The following PECAM1 variants were observed in gnomAD, a reference collection of about 807,000 sequenced individuals.
PECAM1 encodes the protein platelet and endothelial cell adhesion molecule 1, also known as platelet endothelial cell adhesion molecule.
A neutral mutation model predicts 13.8 loss-of-function variants in PECAM1; 8 were observed. The ratio of observed to expected loss-of-function variants is 0.58; its 90% CI spans 0.34 to 1.05. PECAM1 has a LOEUF of 1.05. Among genes scored for constraint, PECAM1 ranks in the 50% least tolerant of loss-of-function variants. The pLI is 0.03. For missense variants in PECAM1, 304 were observed against 141.2 expected (o/e 2.15, Z -5.84); for synonymous variants, 136 against 52.6 (o/e 2.58, Z -6.86).
chr17:64,321,883 A>C lies in PECAM1; in HGVS notation c.*1933T>G. The C allele has an allele frequency of 7.4e-7, 1 of 1,349,718 alleles. No homozygotes were observed. Among genetic ancestry groups the C allele is most frequent in the Non-Finnish European group, 9.8e-7 (1 of 1,019,766 alleles). The allele number at this position is 1,349,718 out of a possible 1,614,324, so 83.6% of individuals were successfully genotyped here. ...CTCTGGTGGTGGCAAGGGACTAAGG[A>C]ACTCCCTGGACACAGGGGATCTGGC... On this transcript the variant is annotated 3_prime_UTR_variant, in exon 16 of 16. Coordinates refer to ENST00000563924, the MANE Select transcript of PECAM1 (RefSeq NM_000442.5).
chr17:64,372,659 C>T (rs2036266962), intron 4 of PECAM1, among the ~76,000 whole-genome samples: 2 of 151,750 alleles, frequency 1.3e-5, no homozygotes, highest in East Asian at 2.0e-4. Context: ...CCCACCACCA[C>T]GCTTGGCTAA....
intron 13 of PECAM1, among the ~76,000 whole-genome samples, chr17:64,347,546 T>A (rs11652640): frequency 0.39 from 45,618 of 116,780 alleles, 8,508 homozygotes; most frequent in South Asian, 0.53. Context: ...AAAAAAAAAA[T>A]ATATATATAT....
intron 14 of PECAM1, among the ~76,000 whole-genome samples, chr17:64,339,486 T>A (rs966589561): frequency 9.2e-5 from 14 of 152,016 alleles, no homozygotes; most frequent in African/African-American, 3.1e-4. Flanking sequence ...TTCAGCAGTG[T>A]CCAAGAAAGC....
intron 12 of PECAM1, among the ~76,000 whole-genome samples, chr17:64,349,011 A>G (rs2035649951): frequency 6.6e-6 from 1 of 152,040 alleles, no homozygotes; most frequent in East Asian, 1.9e-4. Context: ...CAGTTCTCCC[A>G]ATTCAGTCTC....
intron 2 of PECAM1, among the ~76,000 whole-genome samples, chr17:64,389,136 C>T (rs1387689660): frequency 1.1e-4 from 17 of 152,336 alleles, no homozygotes; most frequent in Non-Finnish European, 2.1e-4. Flanking sequence ...CCAACTAGCC[C>T]TCCCCAGCCT....
chr17:64,371,445 G>A (rs1055760186), intron 4 of PECAM1, among the ~76,000 whole-genome samples: 1 of 152,184 alleles, frequency 6.6e-6, no homozygotes, highest in Non-Finnish European at 1.5e-5. Context: ...GCTGAGGCAG[G>A]AGAACTGCCT....
At chr17:64,330,673 GA>G (rs1396077626) in intron 14 of PECAM1, among the ~76,000 whole-genome samples, 1 of 148,688 alleles carries the variant, frequency 6.7e-6, no homozygotes, top group Non-Finnish European at 1.5e-5. Flanking sequence ...ATTTTTTTAA[GA>G]AAAAAATGAA....
rs1258498039 is a variant in PECAM1, at chr17:64,378,011, G to A, written c.198C>T (p.His66=). Residue 66 remains histidine (H), a synonymous_variant, in exon 3 of 16, where the codon CAC becomes CAT. Transcript: ENST00000563924. ...ACAGCATCTGGTGCTGAGGCTTGAC[G>A]TGAGAGGTGGTGCTGACATCCGCGA... ...QCFADVSTTS[H]VKPQHQMLFY... 1.1e-5 allele frequency: 5 copies of A among 475,250 alleles called. No individual in the cohort carries two copies. The highest frequency in any genetic ancestry group is 1.9e-5 in the Non-Finnish European group (5 of 259,064). 29.4% of individuals were successfully genotyped at this position (475,250 alleles called of 1,614,324 possible). A position where few individuals can be genotyped will look rare whatever the true frequency, so the allele number is the denominator to read the frequency against.
In PECAM1 at chr17:64,321,979, C is replaced by T; in HGVS notation, c.*1837G>A. 7.8e-7 allele frequency: 1 copy of T among 1,274,220 alleles called. No individual in the cohort carries two copies. Among genetic ancestry groups the T allele is most frequent in the Non-Finnish European group, 1.0e-6 (1 of 974,094 alleles). 78.9% of individuals were successfully genotyped at this position (1,274,220 alleles called of 1,614,324 possible). A position where few individuals can be genotyped will look rare whatever the true frequency, so the allele number is the denominator to read the frequency against. On this transcript the variant is annotated 3_prime_UTR_variant, in exon 16 of 16. Coordinates refer to ENST00000563924, the MANE Select transcript of PECAM1 (RefSeq NM_000442.5). Reference sequence around the variant, plus strand: ...CTGATCCTTTGACCTCAATCTGAGCCCACCACTCAGAAAACCTGGAAATTG... The same window carrying T: ...CTGATCCTTTGACCTCAATCTGAGCTCACCACTCAGAAAACCTGGAAATTG...
At chr17:64,328,911 C>T (rs1216916001) in intron 15 of PECAM1, among the ~76,000 whole-genome samples, 1 of 152,192 alleles carries the variant, frequency 6.6e-6, no homozygotes, top group African/African-American at 2.4e-5. Context: ...TAAACCCTCC[C>T]ATCTGCCAAA....
At chr17:64,333,943 CAAAAAAAAA>C (rs869179014) in intron 14 of PECAM1, among the ~76,000 whole-genome samples, 2 of 69,594 alleles carry the variant, frequency 2.9e-5, no homozygotes, top group Admixed American at 2.2e-4. Context: ...GACCCTGTCT[CAAAAAAAAA>C]AAAAAAAAAA....
Position 64,378,134 on chromosome 17 carries a change from G to T in PECAM1, c.92-17C>A. The T allele has an allele frequency of 2.1e-6, 1 of 472,802 alleles. No homozygotes were observed. Among genetic ancestry groups the T allele is most frequent in the South Asian group, 6.9e-5 (1 of 14,474 alleles). 29.3% of individuals were successfully genotyped at this position (472,802 alleles called of 1,614,324 possible). ...TTGTGAAAGCTAAATGCAAAGGGAA[G>T]GAAGGCAGACATACCTGTTATCTCA... On this transcript the variant is annotated splice_polypyrimidine_tract_variant and intron_variant, in intron 2 of 15. Coordinates refer to ENST00000563924, the MANE Select transcript of PECAM1 (RefSeq NM_000442.5).
At chr17:64,367,222 A>C (rs1453515883) in intron 5 of PECAM1, among the ~76,000 whole-genome samples, 1 of 152,124 alleles carries the variant, frequency 6.6e-6, no homozygotes, top group Non-Finnish European at 1.5e-5. Flanking sequence ...TTAGTGGTTG[A>C]TTCAGATGCA....
At chr17:64,363,113 C>T (rs2036023956) in intron 6 of PECAM1, 36 bp downstream of exon 6, 2 of 475,242 alleles carry the variant, frequency 4.2e-6, no homozygotes, top group Non-Finnish European at 7.7e-6. Context: ...CCCATTCAAC[C>T]CTGGATGTCC....
intron 3 of PECAM1, among the ~76,000 whole-genome samples, chr17:64,377,206 G>A (rs2036379466): frequency 6.6e-6 from 1 of 152,190 alleles, no homozygotes; most frequent in South Asian, 2.1e-4. Flanking sequence ...ACACACCGCT[G>A]TGGCCTTTAT....
At chr17:64,386,049 G>C (rs2036585947) in intron 2 of PECAM1, among the ~76,000 whole-genome samples, 1 of 152,222 alleles carries the variant, frequency 6.6e-6, no homozygotes, top group Non-Finnish European at 1.5e-5. Flanking sequence ...TGAGGCCTGA[G>C]CTAGGCGGGT....
chr17:64,337,167 A>C (rs1340463050), intron 14 of PECAM1, among the ~76,000 whole-genome samples: 2 of 151,888 alleles, frequency 1.3e-5, no homozygotes, highest in African/African-American at 4.8e-5. Flanking sequence ...CGAGGGCTAC[A>C]GCCTGTGCAA....
chr17:64,332,883 T>G (rs1416708172), intron 14 of PECAM1, among the ~76,000 whole-genome samples: 2 of 152,368 alleles, frequency 1.3e-5, no homozygotes, highest in East Asian at 3.9e-4. Context: ...CTGGGCGCAG[T>G]GGCTCACGCC....
chr17:64,331,377 G>C (rs1555646671), intron 14 of PECAM1, among the ~76,000 whole-genome samples: 1 of 152,074 alleles, frequency 6.6e-6, no homozygotes, highest in Non-Finnish European at 1.5e-5. Context: ...GTAGAGATGG[G>C]GTTTCGCCAT....
Sources: gnomAD v4.1 joint callset for allele counts (sites outside exome capture counted in the v4.1 genomes callset) on GRCh38, gnomAD v4.1.1 for gene constraint, MANE v1.5 for transcripts, NCBI Gene and HGNC (gene_info 2026-07-23, HGNC 2026-07-21) for gene names.